CDH18: variants seen among roughly 807,000 people sequenced by gnomAD.
CDH18 encodes cadherin 18, also known as cadherin-18.
CDH18 carries 31 observed loss-of-function variants against 67.9 expected under a neutral mutation model. That is an observed-to-expected ratio of 0.46 (90% confidence interval 0.34 to 0.62). CDH18 has a LOEUF of 0.62. Ranked by LOEUF, CDH18 falls within the 20% of genes least tolerant of loss-of-function variation. The probability of loss-of-function intolerance (pLI) is 0.01; values close to 1 mark genes in which losing one functional copy is unlikely to be tolerated. For synonymous variants in CDH18, 362 were observed against 347.2 expected, an observed-to-expected ratio of 1.04 and a Z score of -0.48; for missense variants, 890 against 975.5, an observed-to-expected ratio of 0.91 and a Z score of 1.17.
chr5:19,492,588 T>C (rs918491975), intron 11 of CDH18, among the ~76,000 whole-genome samples: 4 of 152,102 alleles, frequency 2.6e-5, no homozygotes, highest in Non-Finnish European at 5.9e-5. Context: ...TTTTTTGTTG[T>C]TTTAGAAAAT....
At chr5:19,745,210 C>T (rs559554168) in intron 4 of CDH18, among the ~76,000 whole-genome samples, 1 of 152,274 alleles carries the variant, frequency 6.6e-6, no homozygotes, top group Admixed American at 6.5e-5. Flanking sequence ...ACCATTCATG[C>T]CTTCAATCCA....
intron 2 of CDH18, among the ~76,000 whole-genome samples, chr5:20,112,452 T>A (rs1747559153): frequency 6.6e-6 from 1 of 152,212 alleles, no homozygotes; most frequent in African/African-American, 2.4e-5. Context: ...GTTTTTGCCA[T>A]GTTTGATAGC....
chr5:19,697,765 T>C (rs527861871), intron 5 of CDH18, among the ~76,000 whole-genome samples: 2 of 152,320 alleles, frequency 1.3e-5, no homozygotes, highest in South Asian at 4.1e-4. Flanking sequence ...ATGACACCTA[T>C]GCCATTAAGA....
At chr5:19,928,531 T>C (rs1793334028) in intron 2 of CDH18, among the ~76,000 whole-genome samples, 1 of 152,204 alleles carries the variant, frequency 6.6e-6, no homozygotes, top group South Asian at 2.1e-4. Context: ...ACATGGAACG[T>C]AGCATGTATA....
Position 20,021,298 on chromosome 5 carries a change from G to A in CDH18, c.-517-29284C>T, listed in dbSNP as rs1055136475. Among the ~76,000 whole-genome samples, 3 of 152,120 alleles carry A rather than the reference G, an allele frequency of 2.0e-5. 1 individual carries two copies. The highest frequency in any genetic ancestry group is 1.3e-4 in the Admixed American group (2 of 15,278). ...GGGACTTTGGATTTTGGACTTTTAA[G>A]TTAATGCTGAAATGAGTTAAGACTT... On this transcript the variant is annotated intron_variant, in intron 2 of 14. Coordinates refer to the CDH18 transcript ENST00000507958.
chr5:20,487,468 G>A (rs898246496), intron 1 of CDH18, among the ~76,000 whole-genome samples: 2 of 149,638 alleles, frequency 1.3e-5, no homozygotes, highest in African/African-American at 4.9e-5. Context: ...TACTGTATAG[G>A]TGATGAGAAA....
chr5:19,600,974 A>T (rs1201269196), intron 6 of CDH18, among the ~76,000 whole-genome samples: 2 of 152,234 alleles, frequency 1.3e-5, no homozygotes, highest in Non-Finnish European at 1.5e-5. Flanking sequence ...CGATGTTTCC[A>T]TGAGGGAACA....
At chr5:20,245,997 T>C (rs1211530772) in intron 2 of CDH18, among the ~76,000 whole-genome samples, 3 of 152,148 alleles carry the variant, frequency 2.0e-5, no homozygotes, top group Non-Finnish European at 4.4e-5. Flanking sequence ...CCATGTTGAT[T>C]GATGGCTAGC....
chr5:19,685,206 T>C (rs1045650063), intron 5 of CDH18, among the ~76,000 whole-genome samples: 5 of 152,150 alleles, frequency 3.3e-5, no homozygotes, highest in Non-Finnish European at 7.3e-5. Flanking sequence ...TGAATTACAA[T>C]AGCTGTAGCC....
intron 1 of CDH18, among the ~76,000 whole-genome samples, chr5:20,365,081 A>G (rs1742397145): frequency 6.6e-6 from 1 of 152,188 alleles, no homozygotes; most frequent in Non-Finnish European, 1.5e-5. Context: ...ACAAAATATC[A>G]CAGACCGGAT....
At chr5:20,357,581 GA>G (rs1474798391) in intron 1 of CDH18, among the ~76,000 whole-genome samples, 1 of 152,144 alleles carries the variant, frequency 6.6e-6, no homozygotes, top group African/African-American at 2.4e-5. Context: ...GATCATCAGA[GA>G]AATGCAAATC....
At chr5:20,555,145 GA>G (rs1475167036) in intron 1 of CDH18, among the ~76,000 whole-genome samples, 1 of 152,064 alleles carries the variant, frequency 6.6e-6, no homozygotes, top group African/African-American at 2.4e-5. Flanking sequence ...TTCCTTAAAA[GA>G]AAAGGAAGAG....
At chr5:19,682,515 T>A (rs1445913875) in intron 5 of CDH18, among the ~76,000 whole-genome samples, 2 of 151,924 alleles carry the variant, frequency 1.3e-5, no homozygotes, top group Non-Finnish European at 2.9e-5. Context: ...AGTCACAGAG[T>A]GGGCTGAGTC....
At chr5:20,054,431 G>A (rs1741726364) in intron 2 of CDH18, among the ~76,000 whole-genome samples, 1 of 152,060 alleles carries the variant, frequency 6.6e-6, no homozygotes, top group African/African-American at 2.4e-5. Flanking sequence ...ATGATCAATA[G>A]CATGTTTAAG....
At chr5:20,170,115 A>G (rs767495217) in intron 2 of CDH18, among the ~76,000 whole-genome samples, 1 of 152,012 alleles carries the variant, frequency 6.6e-6, no homozygotes, top group Non-Finnish European at 1.5e-5. Context: ...GCACCTATCA[A>G]CAGATCACCT....
intron 1 of CDH18, among the ~76,000 whole-genome samples, chr5:20,449,718 G>A (rs78598802): frequency 1.3e-5 from 2 of 151,758 alleles, no homozygotes; most frequent in East Asian, 3.9e-4. Context: ...GATTTAGTTA[G>A]AATAAAAATA....
At chr5:20,227,410 C>A (rs528154979) in intron 2 of CDH18, among the ~76,000 whole-genome samples, 1 of 152,044 alleles carries the variant, frequency 6.6e-6, no homozygotes, top group Non-Finnish European at 1.5e-5. Context: ...AACTGGCACA[C>A]GACTGTGCTT....
chr5:19,688,733 T>A (rs1761456888), intron 5 of CDH18, among the ~76,000 whole-genome samples: 2 of 151,898 alleles, frequency 1.3e-5, no homozygotes, highest in South Asian at 2.1e-4. Flanking sequence ...TTCAAAATAA[T>A]GATATTAAAG....
At chr5:20,378,451 G>T (rs890051419) in intron 1 of CDH18, among the ~76,000 whole-genome samples, 1 of 152,102 alleles carries the variant, frequency 6.6e-6, no homozygotes, top group African/African-American at 2.4e-5. Context: ...TCCTGCGAGG[G>T]TCCAGCACTG....
Sources: allele counts gnomAD v4.1 joint callset (sites outside exome capture counted in the v4.1 genomes callset), GRCh38; gene constraint gnomAD v4.1.1; transcripts MANE v1.5; gene names NCBI Gene and HGNC (gene_info 2026-07-23, HGNC 2026-07-21).